The following CNTN5 variants were observed in gnomAD, a reference collection of about 807,000 sequenced individuals.
CNTN5 encodes the protein contactin 5.
CNTN5 carries 77 observed loss-of-function variants against 129.1 expected under a neutral mutation model. The observed-to-expected ratio is 0.60, with a 90% CI of 0.50 to 0.72. The LOEUF (loss-of-function observed/expected upper bound fraction) is 0.72. Among genes scored for constraint, CNTN5 ranks in the 30% least tolerant of loss-of-function variants. The pLI, the probability that CNTN5 is intolerant of heterozygous loss-of-function variation, is 0.00. For synonymous variants in CNTN5, 509 were observed against 465.6 expected (o/e 1.09, Z -1.20); for missense variants, 1,478 against 1,328.8 (o/e 1.11, Z -1.75).
At chr11:99,485,113 C>T (rs568607047) in intron 2 of CNTN5, among the ~76,000 whole-genome samples, 1 of 151,992 alleles carries the variant, frequency 6.6e-6, no homozygotes, top group South Asian at 2.1e-4. Flanking sequence ...GATGGATATG[C>T]TAATTATTCT....
At chr11:99,765,829 G>A (rs547087970) in intron 3 of CNTN5, among the ~76,000 whole-genome samples, 10 of 151,844 alleles carry the variant, frequency 6.6e-5, no homozygotes, top group Admixed American at 5.9e-4. Context: ...CTTGTTTATA[G>A]TCAATTAGAT....
At chr11:100,167,965 A>G (rs988390724) in intron 13 of CNTN5, among the ~76,000 whole-genome samples, 6 of 151,934 alleles carry the variant, frequency 3.9e-5, no homozygotes, top group African/African-American at 1.4e-4. Flanking sequence ...CTTTGCTGCT[A>G]TGGAGAAAAT....
chr11:99,699,719 T>C (rs1177193789), intron 3 of CNTN5, among the ~76,000 whole-genome samples: 1 of 151,462 alleles, frequency 6.6e-6, no homozygotes, highest in African/African-American at 2.4e-5. Context: ...TTTGAAGAGC[T>C]TTAAACACCT....
rs189868882 is a variant in CNTN5, at chr11:99,983,046, G to A, written c.878-18988G>A. 2.6e-5 allele frequency among the ~76,000 whole-genome samples: 4 copies of A among 152,282 alleles called. No individual in the cohort carries two copies. In the East Asian group the frequency reaches 7.7e-4, roughly 29 times the overall value. On this transcript the variant is annotated intron_variant, in intron 8 of 24. Coordinates refer to ENST00000524871, the MANE Select transcript of CNTN5 (RefSeq NM_014361.4). Reference sequence around the variant, plus strand: ...AAATCCATGATCAGTCACATCAGGTGCAAAGAATAAACTTCATTTCTTCAC... The same window carrying A: ...AAATCCATGATCAGTCACATCAGGTACAAAGAATAAACTTCATTTCTTCAC...
chr11:100,163,595 C>A (rs1451596092), intron 13 of CNTN5, among the ~76,000 whole-genome samples: 1 of 151,720 alleles, frequency 6.6e-6, no homozygotes, highest in Non-Finnish European at 1.5e-5. Flanking sequence ...CTGTGAATAC[C>A]AGAGGTCCTG....
At chr11:100,014,908 C>T (rs1240087290) in intron 9 of CNTN5, among the ~76,000 whole-genome samples, 1 of 152,160 alleles carries the variant, frequency 6.6e-6, no homozygotes, top group African/African-American at 2.4e-5. Context: ...CAACTCTCCA[C>T]ACTCACCCAT....
intron 2 of CNTN5, among the ~76,000 whole-genome samples, chr11:99,480,730 T>C (rs143845525): frequency 6.6e-6 from 1 of 152,268 alleles, no homozygotes; most frequent in African/African-American, 2.4e-5. Flanking sequence ...TTGTTTTTTC[T>C]ACCTGTGAAC....
chr11:99,511,936 G>A (rs1946852970), intron 2 of CNTN5, among the ~76,000 whole-genome samples: 1 of 151,976 alleles, frequency 6.6e-6, no homozygotes, highest in Non-Finnish European at 1.5e-5. Context: ...TCAATGTTAT[G>A]AGTCAAAAAA....
intron 3 of CNTN5, among the ~76,000 whole-genome samples, chr11:99,588,657 A>C (rs1270261545): frequency 2.0e-5 from 3 of 152,156 alleles, no homozygotes; most frequent in African/African-American, 4.8e-5. Flanking sequence ...AAGTAAAAGG[A>C]AAATTCCTAA....
chr11:99,487,165 G>A (rs533598110), intron 2 of CNTN5, among the ~76,000 whole-genome samples: 1 of 152,360 alleles, frequency 6.6e-6, no homozygotes, highest in Admixed American at 6.5e-5. Flanking sequence ...GCATGTTAAA[G>A]TGGAGAACTG....
intron 9 of CNTN5, among the ~76,000 whole-genome samples, chr11:100,012,325 G>C (rs533520772): frequency 2.0e-5 from 3 of 152,148 alleles, no homozygotes; most frequent in Non-Finnish European, 4.4e-5. Flanking sequence ...GGAAAACTGA[G>C]ACTTCTCAAG....
intron 1 of CNTN5, among the ~76,000 whole-genome samples, chr11:99,047,391 A>AC (rs1253658340): frequency 1.3e-5 from 2 of 151,544 alleles, no homozygotes; most frequent in African/African-American, 4.8e-5. Flanking sequence ...CAAAAAAAAA[A>AC]AAAAACCAAA....
At chr11:99,387,930 A>G (rs1056825776) in intron 2 of CNTN5, among the ~76,000 whole-genome samples, 1 of 151,730 alleles carries the variant, frequency 6.6e-6, no homozygotes, top group Non-Finnish European at 1.5e-5. Flanking sequence ...AAATGAAATG[A>G]AAGTATCTGG....
intron 3 of CNTN5, among the ~76,000 whole-genome samples, chr11:99,556,554 AATATATATATAT>A (rs199758207): frequency 0.011 from 768 of 72,332 alleles, 24 homozygotes; most frequent in East Asian, 0.032. Flanking sequence ...AAGGCTTGGA[AATATATATATAT>A]ATATATATAT....
At chr11:100,283,671 C>A (rs1232769430) in intron 18 of CNTN5, among the ~76,000 whole-genome samples, 1 of 152,128 alleles carries the variant, frequency 6.6e-6, no homozygotes, top group Non-Finnish European at 1.5e-5. Flanking sequence ...CCGGGCCGGG[C>A]GCTGTGGCTC....
intron 3 of CNTN5, among the ~76,000 whole-genome samples, chr11:99,684,662 G>T (rs1216672097): frequency 6.6e-6 from 1 of 151,808 alleles, no homozygotes; most frequent in African/African-American, 2.4e-5. Flanking sequence ...ATCATGGATA[G>T]GTGCTAAATA....
intron 3 of CNTN5, among the ~76,000 whole-genome samples, chr11:99,813,162 G>T (rs537865690): frequency 6.6e-6 from 1 of 152,190 alleles, no homozygotes; most frequent in African/African-American, 2.4e-5. Context: ...ATCAGTGAAG[G>T]TTGAATGAGA....
intron 1 of CNTN5, among the ~76,000 whole-genome samples, chr11:99,322,344 G>A (rs568548220): frequency 6.6e-6 from 1 of 151,932 alleles, no homozygotes; most frequent in Non-Finnish European, 1.5e-5. Context: ...ACTTAGTGTT[G>A]GGCAATACAT....
intron 9 of CNTN5, among the ~76,000 whole-genome samples, chr11:100,060,461 T>A (rs1480004046): frequency 6.6e-6 from 1 of 152,080 alleles, no homozygotes; most frequent in Non-Finnish European, 1.5e-5. Flanking sequence ...AGTGGGAGAT[T>A]ATGTGTAAAC....
Sources: gnomAD v4.1 joint callset for allele counts (sites outside exome capture counted in the v4.1 genomes callset) on GRCh38, gnomAD v4.1.1 for gene constraint, MANE v1.5 for transcripts, NCBI Gene and HGNC (gene_info 2026-07-23, HGNC 2026-07-21) for gene names.